The following CDH4 variants were observed in gnomAD, a reference collection of about 807,000 sequenced individuals.
The protein encoded by CDH4 is cadherin-4.
In CDH4, 33 loss-of-function variants were observed where a neutral mutation model predicts 86.0. The ratio of observed to expected loss-of-function variants is 0.38; its 90% CI spans 0.29 to 0.51. The LOEUF (loss-of-function observed/expected upper bound fraction) is 0.51. CDH4 is among the 20% of genes least tolerant of loss of function. CDH4 has a pLI of 0.86. For missense variants in CDH4, 1,114 were observed against 1,307.4 expected (o/e 0.85, Z 2.28); for synonymous variants, 555 against 549.4 (o/e 1.01, Z -0.14).
intron 2 of CDH4, among the ~76,000 whole-genome samples, chr20:61,741,322 A>T (rs1282778209): frequency 6.6e-6 from 1 of 152,176 alleles, no homozygotes; most frequent in Non-Finnish European, 1.5e-5. Context: ...GGGCGCTGTC[A>T]TCAGTTTCAT....
At chr20:61,813,726 T>G (rs1980559896) in intron 4 of CDH4, among the ~76,000 whole-genome samples, 1 of 152,172 alleles carries the variant, frequency 6.6e-6, no homozygotes, top group Non-Finnish European at 1.5e-5. Flanking sequence ...TATTTTTATT[T>G]TCTCACCTTG....
rs112844797 is a variant in CDH4 at position 61,862,145 on chromosome 20, G to A, written c.877+9247G>A. On this transcript the variant is annotated intron_variant, in intron 6 of 15. Coordinates refer to ENST00000614565, the MANE Select transcript of CDH4 (RefSeq NM_001794.5). ...ACTTCTGCACAGATGTCTTGCCCTG[G>A]CCTCTCCCCCAGGCAGCCCCCTCCA... is the stretch of plus-strand genomic sequence containing the variant. Among the ~76,000 whole-genome samples the A allele has an allele frequency of 1.2e-3, 187 of 152,224 alleles. 1 individual carries two copies. The highest frequency in any genetic ancestry group is 4.2e-3 in the African/African-American group (173 of 41,538).
intron 2 of CDH4, among the ~76,000 whole-genome samples, chr20:61,697,337 C>A (rs942402551): frequency 3.3e-5 from 5 of 152,256 alleles, no homozygotes; most frequent in African/African-American, 7.2e-5. Flanking sequence ...CAGTGGCTCA[C>A]GCCTGTAATA....
intron 2 of CDH4, among the ~76,000 whole-genome samples, chr20:61,691,143 G>T (rs749876018): frequency 2.0e-5 from 3 of 151,668 alleles, no homozygotes; most frequent in Non-Finnish European, 4.4e-5. Context: ...ATGATTTACC[G>T]CTAGATTTGG....
intron 1 of CDH4, among the ~76,000 whole-genome samples, chr20:61,253,192 C>T (rs1399887342): frequency 6.6e-6 from 1 of 151,272 alleles, no homozygotes; most frequent in Non-Finnish European, 1.5e-5. Flanking sequence ...GGGCTGGAGC[C>T]TGCGTGTCCG....
intron 9 of CDH4, among the ~76,000 whole-genome samples, chr20:61,914,143 G>A (rs557903373): frequency 1.2e-3 from 180 of 152,320 alleles, no homozygotes; most frequent in Admixed American, 2.2e-3. Flanking sequence ...CCATTGAGGG[G>A]CCTGTGAAAG....
chr20:61,461,451 TAA>T (rs1234885582), intron 2 of CDH4, among the ~76,000 whole-genome samples: 1 of 152,124 alleles, frequency 6.6e-6, no homozygotes. Flanking sequence ...TGTAGGAAAT[TAA>T]AAGTGACTCG....
chr20:61,699,123 T>C (rs530831536), intron 2 of CDH4, among the ~76,000 whole-genome samples: 69 of 152,360 alleles, frequency 4.5e-4, no homozygotes, highest in African/African-American at 1.5e-3. Flanking sequence ...GCCATGGACA[T>C]GATTTGTTAG....
chr20:61,302,541 A>C (rs1222506154), intron 2 of CDH4, among the ~76,000 whole-genome samples: 1 of 141,148 alleles, frequency 7.1e-6, no homozygotes, highest in Non-Finnish European at 1.5e-5. Context: ...GGAGGGTCTG[A>C]CTGAGGTTGG....
chr20:61,810,008 G>A lies in CDH4; in HGVS notation c.577-34660G>A, dbSNP rs551885873. 2.6e-5 allele frequency among the ~76,000 whole-genome samples: 4 copies of A among 152,306 alleles called. No individual in the cohort carries two copies. Among genetic ancestry groups the A allele is most frequent in the Admixed American group, 6.5e-5 (1 of 15,298 alleles). ...ACCATCGTATCAGTTGGTGATTGCC[G>A]TGATAATCCTGCATAACAACCACCC... On this transcript the variant is annotated intron_variant, in intron 4 of 15. Transcript: ENST00000614565. This position sits in a 1 kb window ranked among gnomAD's most constrained non-coding sequence, Gnocchi z 4.3.
chr20:61,384,252 T>C (rs1313992389), intron 2 of CDH4, among the ~76,000 whole-genome samples: 1 of 152,102 alleles, frequency 6.6e-6, no homozygotes, highest in Non-Finnish European at 1.5e-5. Flanking sequence ...TCCAACTAGG[T>C]TGACACCCAG....
chr20:61,339,685 T>C lies in CDH4; in HGVS notation c.169+84748T>C, dbSNP rs1013401803. ...ACTTTGTGGTAGGTTATGAATGAAA[T>C]TGTGACGTGGGCTTCCTGCCTGCTC... is the stretch of plus-strand genomic sequence containing the variant. On this transcript the variant is annotated intron_variant, in intron 2 of 15. Coordinates refer to ENST00000614565, the MANE Select transcript of CDH4 (RefSeq NM_001794.5). Among the ~76,000 whole-genome samples the C allele has an allele frequency of 4.6e-5, 7 of 152,124 alleles. No individual in the cohort carries two copies. The South Asian group carries it at 1.5e-3, about 32-fold the overall frequency.
chr20:61,632,432 G>A (rs2086897483), intron 2 of CDH4, among the ~76,000 whole-genome samples: 2 of 152,308 alleles, frequency 1.3e-5, no homozygotes, highest in African/African-American at 4.8e-5. Context: ...GCCAGGATAA[G>A]TGTGACCCTT....
In CDH4 at chr20:61,315,378, G is replaced by A. The variant is rs74907730; in HGVS notation, c.169+60441G>A. On this transcript the variant is annotated intron_variant, in intron 2 of 15. Coordinates refer to ENST00000614565, the MANE Select transcript of CDH4 (RefSeq NM_001794.5). ...GCTTCCAGTGAGTGTGGAGCTCAGA[G>A]CAAAGAGAAAGCTAGCCCTGGGGAC... Among the ~76,000 whole-genome samples, 1,264 of 152,300 alleles carry A rather than the reference G, an allele frequency of 8.3e-3. 17 individuals are homozygous for A. The highest frequency in any genetic ancestry group is 0.027 in the African/African-American group (1,131 of 41,556).
chr20:61,506,787 C>T (rs1312338447), intron 2 of CDH4, among the ~76,000 whole-genome samples: 1 of 152,142 alleles, frequency 6.6e-6, no homozygotes, highest in Admixed American at 6.5e-5. Flanking sequence ...GTCTAACTCA[C>T]TCTGGATGGG....
Position 61,316,972 on chromosome 20 carries a change from C to T in CDH4, c.169+62035C>T, listed in dbSNP as rs11906874. Among the ~76,000 whole-genome samples, 1,085 of 151,868 alleles carry T rather than the reference C, an allele frequency of 7.1e-3. 13 individuals carry two copies. Among genetic ancestry groups the T allele is most frequent in the African/African-American group, 0.025 (1,022 of 41,418 alleles). On this transcript the variant is annotated intron_variant, in intron 2 of 15. Coordinates refer to ENST00000614565, the MANE Select transcript of CDH4 (RefSeq NM_001794.5). ...CTGGCAGCAGCCTTTAAAGACGTGC[C>T]TTGCAGTGGAGTGATAAGTCTTGCA...
intron 2 of CDH4, among the ~76,000 whole-genome samples, chr20:61,739,939 G>A (rs959185293): frequency 3.3e-5 from 5 of 152,348 alleles, no homozygotes; most frequent in Middle Eastern, 3.4e-3. Flanking sequence ...AGGCAACACC[G>A]TCAGGAGCGT....
intron 2 of CDH4, among the ~76,000 whole-genome samples, chr20:61,732,766 T>G (rs981151110): frequency 6.6e-6 from 1 of 152,214 alleles, no homozygotes; most frequent in Non-Finnish European, 1.5e-5. Flanking sequence ...AGAGTGCTCA[T>G]AGGCGATTCT....
At chr20:61,586,614 T>C (rs759596762) in intron 2 of CDH4, among the ~76,000 whole-genome samples, 3 of 152,182 alleles carry the variant, frequency 2.0e-5, no homozygotes, top group Admixed American at 1.3e-4. Flanking sequence ...TGATCCTTCA[T>C]TTGATCCTTT....
Sources: allele counts gnomAD v4.1 joint callset (sites outside exome capture counted in the v4.1 genomes callset), GRCh38; gene constraint gnomAD v4.1.1; non-coding constraint Gnocchi (gnomAD v3.1); transcripts MANE v1.5; gene names NCBI Gene and HGNC (gene_info 2026-07-23, HGNC 2026-07-21).